Variants in ARHGEF37 observed in about 807,000 individuals in gnomAD.
ARHGEF37 encodes the protein Rho guanine nucleotide exchange factor 37, also known as Rho guanine nucleotide exchange factor (GEF) 37.
Under a neutral mutation model 71.1 loss-of-function variants are expected in ARHGEF37, and 55 were observed. That is an observed-to-expected ratio of 0.77 (90% CI 0.62 to 0.97). The LOEUF (loss-of-function observed/expected upper bound fraction) is 0.97, where lower values mean the gene tolerates loss of function less well. Ranked by LOEUF, ARHGEF37 falls within the 50% of genes least tolerant of loss-of-function variation. The probability of loss-of-function intolerance (pLI) is 0.00; values close to 1 mark genes in which losing one functional copy is unlikely to be tolerated. For synonymous variants in ARHGEF37, 327 were observed against 350.6 expected (o/e 0.93, Z 0.75); for missense variants, 765 against 836.8 (o/e 0.91, Z 1.06).
chr5:149,563,206 G>T (rs1222164964), intron 1 of ARHGEF37, among the ~76,000 whole-genome samples: 2 of 152,140 alleles, frequency 1.3e-5, no homozygotes, highest in Middle Eastern at 3.2e-3. Context: ...CTTCATCAGT[G>T]TTCATTTCTT....
chr5:149,630,145 C>A (rs1041377598), intron 12 of ARHGEF37, among the ~76,000 whole-genome samples: 1 of 152,092 alleles, frequency 6.6e-6, no homozygotes, highest in African/African-American at 2.4e-5. Context: ...ATACTAAAAA[C>A]CTCTGAATTG....
chr5:149,564,387 A>T (rs979674283), intron 1 of ARHGEF37, among the ~76,000 whole-genome samples: 1 of 152,168 alleles, frequency 6.6e-6, no homozygotes, highest in Non-Finnish European at 1.5e-5. Flanking sequence ...AAATGACTCA[A>T]GGTTGCATCT....
At chr5:149,603,324 C>T (rs1300021742) in intron 3 of ARHGEF37, among the ~76,000 whole-genome samples, 6 of 152,162 alleles carry the variant, frequency 3.9e-5, no homozygotes, top group Admixed American at 3.3e-4. Context: ...TTCACTTCAT[C>T]TCAAAATAAC....
rs577043541 is a variant in ARHGEF37, at chr5:149,600,765, G to A, written c.187-343G>A. Among the ~76,000 whole-genome samples, 335 of 151,500 alleles carry A rather than the reference G, an allele frequency of 2.2e-3. 3 individuals are homozygous for A. Among genetic ancestry groups the A allele is most frequent in the Admixed American group, 2.3e-3 (35 of 15,182 alleles). ...AAGCAATTGTCTACCTCAGCCTCCC[G>A]AGTAGCTGGGATTACAAGCACCCAC... On this transcript the variant is annotated intron_variant, in intron 2 of 12. Transcript: ENST00000333677.
At position 149,555,763 on chromosome 5, in the gene ARHGEF37, A is replaced by T. The variant is rs1435767998; in HGVS notation, c.-12+3640A>T. Among the ~76,000 whole-genome samples, 3 of 152,298 alleles carry T rather than the reference A, an allele frequency of 2.0e-5. No homozygotes were observed. In the East Asian group the frequency reaches 5.8e-4, roughly 29 times the overall value. ...AGAAAAAGGAAAGAGTAGAACACAAATTAGGACAATCATGTCCCAGGGATT... is the reference window on the plus strand; with the variant it reads ...AGAAAAAGGAAAGAGTAGAACACAATTTAGGACAATCATGTCCCAGGGATT... On this transcript the variant is annotated intron_variant, in intron 1 of 2. Transcript: ENST00000505810.
intron 3 of ARHGEF37, among the ~76,000 whole-genome samples, chr5:149,604,859 T>G (rs1358156497): frequency 2.0e-5 from 3 of 151,674 alleles, no homozygotes; most frequent in Non-Finnish European, 4.4e-5. Flanking sequence ...ATTTTTGTAT[T>G]TTTAGTAGAG....
chr5:149,600,150 A>G (rs950443446), intron 2 of ARHGEF37, among the ~76,000 whole-genome samples: 3 of 152,254 alleles, frequency 2.0e-5, no homozygotes, highest in Admixed American at 6.5e-5. Flanking sequence ...ATGCAGCACA[A>G]TAGTATTTAT....
intron 1 of ARHGEF37, among the ~76,000 whole-genome samples, chr5:149,571,282 G>A (rs1294135720): frequency 6.6e-6 from 1 of 150,992 alleles, no homozygotes; most frequent in Non-Finnish European, 1.5e-5. Flanking sequence ...TTGAGACAGA[G>A]TCTCTCTCTG....
chr5:149,619,119 A>G, intron 7 of ARHGEF37, 77 bp downstream of exon 7: 1 of 1,230,382 alleles, frequency 8.1e-7, no homozygotes, highest in Non-Finnish European at 1.2e-6. Context: ...GGCCCAGCCT[A>G]CAAGCTGGGA....
intron 1 of ARHGEF37, among the ~76,000 whole-genome samples, chr5:149,571,495 T>C (rs904783335): frequency 2.8e-4 from 42 of 152,234 alleles, no homozygotes; most frequent in Non-Finnish European, 1.5e-5. Flanking sequence ...AAGACCTACG[T>C]AAATGGGGAT....
Position 149,616,620 on chromosome 5 carries a change from G to T in ARHGEF37, c.512G>T (p.Arg171Met), listed in dbSNP as rs754110058. ...LSFLLVIPLQ[R>M]ITRYPLLLQK... ...TTCTTGCTGGTAATTCCTCTGCAGA[G>T]GATCACCAGGTACCCACTGCTGCTG... The change falls in exon 5 of 13, where the codon AGG (arginine) becomes ATG (methionine). Residue 171 changes from arginine to methionine, a missense_variant. Physicochemically the swap from Arg to Met is moderately conservative, Grantham distance 91 (BLOSUM62 -1). Coordinates refer to ENST00000333677, the MANE Select transcript of ARHGEF37 (RefSeq NM_001001669.3). The T allele has an allele frequency of 6.2e-7, 1 of 1,612,968 alleles. No individual in the cohort carries two copies. The highest frequency in any genetic ancestry group is 8.5e-7 in the Non-Finnish European group (1 of 1,179,746).
chr5:149,620,295 C>A (rs532490899), intron 7 of ARHGEF37, 59 bp from the exon 8 acceptor site: 29 of 1,279,788 alleles, frequency 2.3e-5, no homozygotes, highest in Non-Finnish European at 2.6e-5. Flanking sequence ...GAAGGGGATT[C>A]CAGCGTAAGA....
chr5:149,556,279 C>T (rs539995212), intron 1 of ARHGEF37, among the ~76,000 whole-genome samples: 43 of 152,308 alleles, frequency 2.8e-4, no homozygotes, highest in African/African-American at 9.4e-4. Flanking sequence ...CTGCAACCTC[C>T]GCCTCCCGGG....
At position 149,609,612 on chromosome 5, in the gene ARHGEF37, C is replaced by A; in HGVS notation, c.375C>A (p.Tyr125Ter). 6.2e-7 allele frequency: 1 copy of A among 1,613,806 alleles called. No homozygotes were observed. ...TCTATAAGGTCTACTGTGCCAGCTACGACCAGGCCTTGCTACTGGTGGACA... is the reference window on the plus strand; with the variant it reads ...TCTATAAGGTCTACTGTGCCAGCTAAGACCAGGCCTTGCTACTGGTGGACA... ...EQVYKVYCAS[Y>*]DQALLLVDTY... Residue 125 changes from tyrosine to a stop codon, truncating the protein, a stop_gained, in exon 4 of 13, where the codon TAC (tyrosine) becomes TAA (stop). Coordinates refer to ENST00000333677, the MANE Select transcript of ARHGEF37 (RefSeq NM_001001669.3). LOFTEE classifies it high-confidence loss of function.
chr5:149,583,285 C>A (rs566221506), intron 1 of ARHGEF37, among the ~76,000 whole-genome samples: 34 of 152,190 alleles, frequency 2.2e-4, no homozygotes, highest in African/African-American at 7.7e-4. Context: ...TACAGGCACA[C>A]GCCACTATGC....
intron 1 of ARHGEF37, among the ~76,000 whole-genome samples, chr5:149,555,332 C>T (rs572633386): frequency 6.6e-6 from 1 of 152,108 alleles, no homozygotes; most frequent in African/African-American, 2.4e-5. Flanking sequence ...GAGTCAAAGT[C>T]TCACTCTGTC....
intron 1 of ARHGEF37, among the ~76,000 whole-genome samples, chr5:149,560,854 T>TGAATTTG (rs1182264544): frequency 6.6e-6 from 1 of 152,248 alleles, no homozygotes; most frequent in East Asian, 1.9e-4. Flanking sequence ...CTTTTACAGC[T>TGAATTTG]TCTTAAAATT....
At chr5:149,575,500 T>G (rs1465923938) in intron 1 of ARHGEF37, among the ~76,000 whole-genome samples, 2 of 152,156 alleles carry the variant, frequency 1.3e-5, no homozygotes. Context: ...TTGGTTTAGC[T>G]ATGCACGTGG....
chr5:149,595,459 A>T (rs1316604315), intron 1 of ARHGEF37, among the ~76,000 whole-genome samples: 1 of 152,202 alleles, frequency 6.6e-6, no homozygotes, highest in African/African-American at 2.4e-5. Context: ...GGGATTACAT[A>T]CATGAGCCAC....
Sources: allele counts gnomAD v4.1 joint callset (sites outside exome capture counted in the v4.1 genomes callset), GRCh38; gene constraint gnomAD v4.1.1; transcripts MANE v1.5; gene names NCBI Gene and HGNC (gene_info 2026-07-23, HGNC 2026-07-21).